CHD3: variants seen among roughly 807,000 people sequenced by gnomAD.
The protein encoded by CHD3 is ATP-dependent chromatin remodeler CHD3.
CHD3 carries 52 observed loss-of-function variants against 248.9 expected under a neutral mutation model. The observed-to-expected ratio is 0.21, with a 90% CI of 0.17 to 0.26. The LOEUF is 0.26. CHD3 is among the 10% of genes least tolerant of loss of function. The pLI is 1.00. For missense variants in CHD3, 1,482 were observed against 2,605.8 expected, an observed-to-expected ratio of 0.57 and a Z score of 9.39; for synonymous variants, 985 against 985.2, an observed-to-expected ratio of 1.00 and a Z score of 0.00.
Position 7,908,448 on chromosome 17 carries a change from G to A in CHD3, c.5199G>A (p.Ser1733=), listed in dbSNP as rs368066795. The A allele has an allele frequency of 9.3e-6, 15 of 1,613,640 alleles. No homozygotes were observed. The African/African-American group carries it at 1.1e-4, about 11-fold the overall frequency. The change falls in exon 35 of 40, where the codon TCG becomes TCA. Residue 1733 remains serine, a synonymous_variant. Transcript: ENST00000330494. This position sits in a 1 kb window ranked among gnomAD's most constrained non-coding sequence, Gnocchi z 5.8. The stretch of plus-strand genomic sequence containing the variant: ...ATGAGGAACGGGCAGCTATTTCCTC[G>A]GGGAAACTCAATGAGATCTGGCACA... ...WQNEERAAIS[S]GKLNEIWHRR... is the part of the protein sequence containing the mutation.
Position 7,895,093 on chromosome 17 carries a change from T to C in CHD3, c.1446T>C (p.Cys482=). 1 of 1,614,128 alleles carries C rather than the reference T, an allele frequency of 6.2e-7. No homozygotes were observed. Among genetic ancestry groups the C allele is most frequent in the Non-Finnish European group, 8.5e-7 (1 of 1,180,008 alleles). ...GCATCTCCTCCTACCACATTCATTG[T>C]CTAAACCCTCCCCTGCCTGACATTC... ...DACISSYHIH[C]LNPPLPDIPN... is the part of the protein sequence containing the mutation. The change falls in exon 9 of 40, where the codon TGT becomes TGC. Residue 482 remains cysteine (C), a synonymous_variant. Coordinates refer to ENST00000330494, the MANE Select transcript of CHD3 (RefSeq NM_001005273.3). The surrounding 1 kb of genome is among the most constrained non-coding windows in gnomAD (Gnocchi z 4.9).
In CHD3 at chr17:7,906,633, G is replaced by A. The variant is rs773079818; in HGVS notation, c.4439G>A (p.Arg1480Gln). The change falls in exon 29 of 40, where the codon CGG (arginine) becomes CAG (glutamine). Residue 1480 changes from arginine (R) to glutamine (Q), a missense_variant. Arg to Gln is a conservative substitution (Grantham distance 43). Transcript: ENST00000330494. The surrounding 1 kb of genome is among the most constrained non-coding windows in gnomAD (Gnocchi z 5.0). ...GAAACCTTTGCCGATGGGGTCCCTC[G>A]GGAGGGACTGAGTCGCCAGCAGGTG... ...GSETFADGVP[R>Q]EGLSRQQVLT... The A allele has an allele frequency of 7.4e-6, 12 of 1,613,634 alleles. No homozygotes were observed. The highest frequency in any genetic ancestry group is 1.3e-5 in the African/African-American group (1 of 74,984).
rs1971449616 is a variant in CHD3, at chr17:7,909,986, A to G, written c.5591-442A>G. The G allele has an allele frequency of 3.8e-6, 1 of 265,800 alleles. No homozygotes were observed. 16.5% of individuals were successfully genotyped at this position (265,800 alleles called of 1,614,324 possible). A position where few individuals can be genotyped will look rare whatever the true frequency, so the allele number is the denominator to read the frequency against. On this transcript the variant is annotated intron_variant, in intron 37 of 39. Coordinates refer to ENST00000330494, the MANE Select transcript of CHD3 (RefSeq NM_001005273.3). This position sits in a 1 kb window ranked among gnomAD's most constrained non-coding sequence, Gnocchi z 8.1. ...TTCTAACCTCCCTCTCCCCTTACAT[A>G]TTAAAACCGTGATTCCTTAAAGCTT... is the stretch of plus-strand genomic sequence containing the variant.
chr17:7,902,887 G>C, intron 21 of CHD3, 50 bp from the exon 22 acceptor site: 1 of 1,604,510 alleles, frequency 6.2e-7, no homozygotes, highest in Non-Finnish European at 8.5e-7. Context: ...GGAGCAGGTG[G>C]ACAGAACTAC....
Position 7,895,390 on chromosome 17 carries a change from G to C in CHD3, c.1555G>C (p.Glu519Gln), listed in dbSNP as rs1024324765. 3.1e-6 allele frequency: 5 copies of C among 1,613,970 alleles called. No homozygotes were observed. Among genetic ancestry groups the C allele is most frequent in the Non-Finnish European group, 4.2e-6 (5 of 1,180,022 alleles). ...GAAGATCCTACATTGGCGGTGGGGG[G>C]AGCCACCTGTAGCAGTGCCAGCCCC... ...VQKILHWRWG[E>Q]PPVAVPAPQQ... Residue 519 changes from glutamate (E) to glutamine (Q), a missense_variant, in exon 10 of 40, where the codon GAG becomes CAG. Coordinates refer to ENST00000330494, the MANE Select transcript of CHD3 (RefSeq NM_001005273.3). The surrounding 1 kb of genome is among the most constrained non-coding windows in gnomAD (Gnocchi z 4.9).
In CHD3 at chr17:7,905,614, C is replaced by A; in HGVS notation, c.4139-7C>A. The stretch of plus-strand genomic sequence containing the variant: ...GCTCAGCTAACTGATGTCATCCCCA[C>A]CCTCAGGGCGTAGACAGTCAAAGAG... On this transcript the variant is annotated splice_region_variant and splice_polypyrimidine_tract_variant and intron_variant, in intron 26 of 39. Coordinates refer to ENST00000330494, the MANE Select transcript of CHD3 (RefSeq NM_001005273.3). The surrounding 1 kb of genome is among the most constrained non-coding windows in gnomAD (Gnocchi z 5.8). 2 of 1,581,548 alleles carry A rather than the reference C, an allele frequency of 1.3e-6. No individual in the cohort carries two copies. Among genetic ancestry groups the A allele is most frequent in the Non-Finnish European group, 1.7e-6 (2 of 1,161,574 alleles).
rs1044373153 is a variant in CHD3 at position 7,889,408 on chromosome 17, T to A, written c.101-256T>A. Among the ~76,000 whole-genome samples the A allele has an allele frequency of 2.0e-5, 3 of 152,354 alleles. No individual in the cohort carries two copies. In the South Asian group the frequency reaches 6.2e-4, roughly 32 times the overall value. ...AGAGCCCATGGCCTGGAGCCTGGTC[T>A]CTTGTTAGTAGGAGGGGAGGGAGGG... On this transcript the variant is annotated intron_variant, in intron 1 of 39. Transcript: ENST00000330494. The surrounding 1 kb of genome is among the most constrained non-coding windows in gnomAD (Gnocchi z 4.5).
In CHD3 at chr17:7,906,417, G is replaced by A; in HGVS notation, c.4359-136G>A. On this transcript the variant is annotated intron_variant, in intron 28 of 39. Transcript: ENST00000330494. This position sits in a 1 kb window ranked among gnomAD's most constrained non-coding sequence, Gnocchi z 5.0. Reference sequence around the variant, plus strand: ...GGAGGGCTGGTAATGGTGAGAGTGAGAGGCCCAGGGGAGGAGCCCTGGAGC... The same window carrying A: ...GGAGGGCTGGTAATGGTGAGAGTGAAAGGCCCAGGGGAGGAGCCCTGGAGC... The A allele has an allele frequency of 1.2e-6, 1 of 851,602 alleles. No homozygotes were observed. The highest frequency in any genetic ancestry group is 1.9e-6 in the Non-Finnish European group (1 of 531,924). 52.8% of individuals were successfully genotyped at this position (851,602 alleles called of 1,614,324 possible).
At position 7,891,068 on chromosome 17, in the gene CHD3, C is replaced by T. The variant is rs368907014; in HGVS notation, c.509+4C>T. 2.7e-5 allele frequency: 43 copies of T among 1,613,256 alleles called. No homozygotes were observed. Among genetic ancestry groups the T allele is most frequent in the African/African-American group, 2.1e-4 (16 of 74,890 alleles). On this transcript the variant is annotated splice_donor_region_variant and intron_variant, in intron 4 of 39. Coordinates refer to ENST00000330494, the MANE Select transcript of CHD3 (RefSeq NM_001005273.3). ...AAGCCTTCAGCCAGTTCATGAGGTG[C>T]GGTAAGACTGGGGAATCCTCGCTAA...
At chr17:7,892,974 A>G (rs1567839441) in intron 4 of CHD3, among the ~76,000 whole-genome samples, 1 of 151,562 alleles carries the variant, frequency 6.6e-6, no homozygotes, top group Admixed American at 6.6e-5. Context: ...TAGAGACAGG[A>G]TCTCACTTTG....
chr17:7,911,121 C>A lies in CHD3; in HGVS notation c.5881+148C>A. ...TGGGATAGAGTTGTTCTAGGCTGTCCCCCCACCCATCCCTTTCTTAACCCC... is the reference window on the plus strand; with the variant it reads ...TGGGATAGAGTTGTTCTAGGCTGTCACCCCACCCATCCCTTTCTTAACCCC... On this transcript the variant is annotated intron_variant, in intron 39 of 39. Coordinates refer to ENST00000330494, the MANE Select transcript of CHD3 (RefSeq NM_001005273.3). The surrounding 1 kb of genome is among the most constrained non-coding windows in gnomAD (Gnocchi z 5.4). 1.7e-6 allele frequency: 2 copies of A among 1,154,394 alleles called. No homozygotes were observed. Among genetic ancestry groups the A allele is most frequent in the Non-Finnish European group, 2.5e-6 (2 of 800,864 alleles). The allele number at this position is 1,154,394 out of a possible 1,614,324, so 71.5% of individuals were successfully genotyped here.
In CHD3 at chr17:7,899,631, C is replaced by G; in HGVS notation, c.2544+88C>G. ...GGAATTCAGTTTCTCTATTCCCCTC[C>G]TCACCTTTCTCCTCTTCCTCCACCT... On this transcript the variant is annotated intron_variant, in intron 15 of 39. Coordinates refer to ENST00000330494, the MANE Select transcript of CHD3 (RefSeq NM_001005273.3). The surrounding 1 kb of genome is among the most constrained non-coding windows in gnomAD (Gnocchi z 6.8). The G allele has an allele frequency of 7.5e-7, 1 of 1,337,086 alleles. No homozygotes were observed. Among genetic ancestry groups the G allele is most frequent in the African/African-American group, 1.4e-5 (1 of 69,508 alleles). 82.8% of individuals were successfully genotyped at this position (1,337,086 alleles called of 1,614,324 possible). A position where few individuals can be genotyped will look rare whatever the true frequency, so the allele number is the denominator to read the frequency against.
In CHD3 at chr17:7,889,542, G is replaced by A; in HGVS notation, c.101-122G>A. The A allele has an allele frequency of 2.7e-6, 2 of 747,724 alleles. No homozygotes were observed. Among genetic ancestry groups the A allele is most frequent in the South Asian group, 1.8e-5 (1 of 57,132 alleles). 46.3% of individuals were successfully genotyped at this position (747,724 alleles called of 1,614,324 possible). On this transcript the variant is annotated intron_variant, in intron 1 of 39. Coordinates refer to ENST00000330494, the MANE Select transcript of CHD3 (RefSeq NM_001005273.3). The surrounding 1 kb of genome is among the most constrained non-coding windows in gnomAD (Gnocchi z 4.5). Reference sequence around the variant, plus strand: ...TTTGCATCCAGTGAAGGGAGGCAGGGCTTGGAGGAGTTAATGCTTCCTAGA... The same window carrying A: ...TTTGCATCCAGTGAAGGGAGGCAGGACTTGGAGGAGTTAATGCTTCCTAGA...
In CHD3 at chr17:7,904,695, A is replaced by G; in HGVS notation, c.4072+76A>G. 2 of 1,309,554 alleles carry G rather than the reference A, an allele frequency of 1.5e-6. No homozygotes were observed. The highest frequency in any genetic ancestry group is 1.4e-5 in the South Asian group (1 of 71,472). The allele number at this position is 1,309,554 out of a possible 1,614,324, so 81.1% of individuals were successfully genotyped here. ...AGGGACTTGAAGGCTGGAGCTATTT[A>G]GAGGGAAAGAGAGAAGCCTAGAAGT... On this transcript the variant is annotated intron_variant, in intron 25 of 39. Coordinates refer to ENST00000330494, the MANE Select transcript of CHD3 (RefSeq NM_001005273.3). This position sits in a 1 kb window ranked among gnomAD's most constrained non-coding sequence, Gnocchi z 4.4.
At position 7,906,128 on chromosome 17, in the gene CHD3, G is replaced by C. The variant is rs777210278; in HGVS notation, c.4358+139G>C. 2 of 1,334,744 alleles carry C rather than the reference G, an allele frequency of 1.5e-6. No individual in the cohort carries two copies. The highest frequency in any genetic ancestry group is 2.1e-6 in the Non-Finnish European group (2 of 938,952). The allele number at this position is 1,334,744 out of a possible 1,614,324, so 82.7% of individuals were successfully genotyped here. The stretch of plus-strand genomic sequence containing the variant: ...CCTGTCATACAATACTTCCTGGCTC[G>C]ATTTCCTGGGGGGTGGTCTCAGCCC... On this transcript the variant is annotated intron_variant, in intron 28 of 39. Transcript: ENST00000330494. The surrounding 1 kb of genome is among the most constrained non-coding windows in gnomAD (Gnocchi z 5.0).
rs1970943970 is a variant in CHD3, at chr17:7,906,315, T to C, written c.4359-238T>C. On this transcript the variant is annotated intron_variant, in intron 28 of 39. Transcript: ENST00000330494. The surrounding 1 kb of genome is among the most constrained non-coding windows in gnomAD (Gnocchi z 5.0). ...CTGGTGGAAAGGATGAAGAGCTGAC[T>C]GATGGGGCCCAGGAATTAAGTACCA... The C allele has an allele frequency of 1.5e-6, 1 of 676,680 alleles. No homozygotes were observed. The highest frequency in any genetic ancestry group is 1.8e-5 in the African/African-American group (1 of 56,032). The allele number at this position is 676,680 out of a possible 1,614,324, so 41.9% of individuals were successfully genotyped here.
Position 7,911,439 on chromosome 17 carries a change from C to A in CHD3, c.5882-25C>A. 1.2e-6 allele frequency: 2 copies of A among 1,614,092 alleles called. No homozygotes were observed. The highest frequency in any genetic ancestry group is 1.7e-6 in the Non-Finnish European group (2 of 1,179,968). The stretch of plus-strand genomic sequence containing the variant: ...GTTTGAGAGTGATCTGGAGATTGAT[C>A]TTTCCTTACCCCTTTCCCAAACAGC... On this transcript the variant is annotated intron_variant, in intron 39 of 39. Transcript: ENST00000330494. This position sits in a 1 kb window ranked among gnomAD's most constrained non-coding sequence, Gnocchi z 5.4.
In CHD3 at chr17:7,911,843, C is replaced by A; in HGVS notation, c.*258C>A. ...CTGGGTGGGAGATGGCTGGCAGGGTCTTCCAAGTACCTTCCTCCCACACTG... is the reference window on the plus strand; with the variant it reads ...CTGGGTGGGAGATGGCTGGCAGGGTATTCCAAGTACCTTCCTCCCACACTG... On this transcript the variant is annotated 3_prime_UTR_variant, in exon 40 of 40. Coordinates refer to ENST00000330494, the MANE Select transcript of CHD3 (RefSeq NM_001005273.3). The surrounding 1 kb of genome is among the most constrained non-coding windows in gnomAD (Gnocchi z 5.4). The A allele has an allele frequency of 9.8e-7, 1 of 1,025,022 alleles. No homozygotes were observed. The highest frequency in any genetic ancestry group is 3.4e-4 in the Middle Eastern group (1 of 2,920). 63.5% of individuals were successfully genotyped at this position (1,025,022 alleles called of 1,614,324 possible).
Position 7,904,692 on chromosome 17 carries a change from T to G in CHD3, c.4072+73T>G. The G allele has an allele frequency of 7.3e-7, 1 of 1,366,384 alleles. No individual in the cohort carries two copies. 84.6% of individuals were successfully genotyped at this position (1,366,384 alleles called of 1,614,324 possible). A position where few individuals can be genotyped will look rare whatever the true frequency, so the allele number is the denominator to read the frequency against. ...AGTAGGGACTTGAAGGCTGGAGCTA[T>G]TTAGAGGGAAAGAGAGAAGCCTAGA... On this transcript the variant is annotated intron_variant, in intron 25 of 39. Coordinates refer to ENST00000330494, the MANE Select transcript of CHD3 (RefSeq NM_001005273.3). This position sits in a 1 kb window ranked among gnomAD's most constrained non-coding sequence, Gnocchi z 4.4.
Sources: gnomAD v4.1 joint callset for allele counts (sites outside exome capture counted in the v4.1 genomes callset) on GRCh38, gnomAD v4.1.1 for gene constraint, Gnocchi (gnomAD v3.1) non-coding constraint, MANE v1.5 for transcripts, NCBI Gene and HGNC (gene_info 2026-07-23, HGNC 2026-07-21) for gene names.